ZNF850: variants seen among roughly 807,000 people sequenced by gnomAD.
ZNF850 encodes the protein putative zinc finger protein ENSP00000330994.
ZNF850 carries 2 observed loss-of-function variants against 11.9 expected under a neutral mutation model. The observed-to-expected ratio is 0.17, with a 90% confidence interval of 0.07 to 0.53. The LOEUF (loss-of-function observed/expected upper bound fraction) is 0.53. ZNF850 is among the 20% of genes least tolerant of loss of function. The pLI is 0.94. For synonymous variants in ZNF850, 381 were observed against 443.0 expected (o/e 0.86, Z 1.76); for missense variants, 1,014 against 1,316.4 (o/e 0.77, Z 3.55).
chr19:36,762,247 CA>C (rs2145965631), intron 3 of ZNF850, 57 bp downstream of exon 3: 1 of 1,399,890 alleles, frequency 7.1e-7, no homozygotes, highest in East Asian at 2.5e-5. Flanking sequence ...AAAAGTCACC[CA>C]GACAATTGAA....
Position 36,762,587 on chromosome 19 carries a change from CAA to C in ZNF850, c.12+6_12+7del. ...AGTAAAAAAATTAGTGTAACTTCAA[CAA>C]AGTACCTCCATGTTCATGAATATTC... On this transcript the variant is annotated splice_donor_region_variant and intron_variant, in intron 2 of 4. Transcript: ENST00000591344. 6.5e-7 allele frequency: 1 copy of C among 1,535,966 alleles called. No individual in the cohort carries two copies.
At position 36,744,825 on chromosome 19, in the gene ZNF850, A is replaced by T. The variant is rs180766380; in HGVS notation, c.*2942T>A. On this transcript the variant is annotated 3_prime_UTR_variant, in exon 5 of 5. Coordinates refer to ENST00000591344, the MANE Select transcript of ZNF850 (RefSeq NM_001193552.2). ...CCTCAACTGACTACAAATTGAGACA[A>T]AAGAATCAATTGAGCCGGGCGGGGT... The T allele has an allele frequency of 6.6e-6, 1 of 152,276 alleles. No homozygotes were observed. The highest frequency in any genetic ancestry group is 6.5e-5 in the Admixed American group (1 of 15,294). The allele number at this position is 152,276 out of a possible 1,614,324, so 9.4% of individuals were successfully genotyped here. A position where few individuals can be genotyped will look rare whatever the true frequency, so the allele number is the denominator to read the frequency against.
intron 4 of ZNF850, among the ~76,000 whole-genome samples, chr19:36,751,858 T>C (rs2040456266): frequency 6.6e-6 from 1 of 152,128 alleles, no homozygotes. Flanking sequence ...CATTCATTAA[T>C]TATGACAAAT....
At position 36,755,759 on chromosome 19, in the gene ZNF850, A is replaced by C. The variant is rs1020452283; in HGVS notation, c.236-4955T>G. On this transcript the variant is annotated intron_variant, in intron 4 of 4. Coordinates refer to ENST00000591344, the MANE Select transcript of ZNF850 (RefSeq NM_001193552.2). ...GAAATGGGAAATCACATGAAGAAAA[A>C]AAACAGCAGAAACAGAACCAAAAGG... Among the ~76,000 whole-genome samples the C allele has an allele frequency of 1.1e-4, 17 of 151,958 alleles. No homozygotes were observed. In the East Asian group the frequency reaches 3.1e-3, roughly 28 times the overall value.
At chr19:36,756,674 C>T (rs1481777608) in intron 4 of ZNF850, among the ~76,000 whole-genome samples, 1 of 152,084 alleles carries the variant, frequency 6.6e-6, no homozygotes, top group Non-Finnish European at 1.5e-5. Flanking sequence ...AGTACAATGG[C>T]ATGATCTTGG....
chr19:36,762,082 T>G (rs2040522441), intron 3 of ZNF850, among the ~76,000 whole-genome samples: 1 of 149,480 alleles, frequency 6.7e-6, no homozygotes, highest in African/African-American at 2.5e-5. Flanking sequence ...TGAGACATAC[T>G]CCTGCTGTTC....
chr19:36,769,276 A>AAG (rs996655831), intron 1 of ZNF850, among the ~76,000 whole-genome samples: 4 of 113,178 alleles, frequency 3.5e-5, no homozygotes, highest in South Asian at 2.8e-4. Flanking sequence ...AAAAAAAAAA[A>AAG]AAAGAAAGAA....
rs1019697513 is a variant in ZNF850, at chr19:36,760,340, C to T, written c.235+1303G>A. On this transcript the variant is annotated intron_variant, in intron 4 of 4. Transcript: ENST00000591344. Reference sequence around the variant, plus strand: ...CGCGTGCCTGTAATCTTAGCTACTCCGGAGGCTGTGGCACGAGAATTGCTT... The same window carrying T: ...CGCGTGCCTGTAATCTTAGCTACTCTGGAGGCTGTGGCACGAGAATTGCTT... Among the ~76,000 whole-genome samples, 75 of 151,776 alleles carry T rather than the reference C, an allele frequency of 4.9e-4. 2 individuals carry two copies. The highest frequency in any genetic ancestry group is 1.0e-4 in the Non-Finnish European group (7 of 67,972).
chr19:36,748,276 C>G lies in ZNF850; in HGVS notation c.2764G>C (p.Glu922Gln). Residue 922 changes from glutamate (E) to glutamine (Q), a missense_variant, in exon 5 of 5, where the codon GAG becomes CAG. Physicochemically the swap from Glu to Gln is conservative, Grantham distance 29. Coordinates refer to ENST00000591344, the MANE Select transcript of ZNF850 (RefSeq NM_001193552.2). ...CATTCATGACATCGATAAGGTTTCTCACCAGTATGGATTCGTTGATGTTGA... is the reference window on the plus strand; with the variant it reads ...CATTCATGACATCGATAAGGTTTCTGACCAGTATGGATTCGTTGATGTTGA... ...LTQHQRIHTG[E>Q]KPYRCHECGK... The G allele has an allele frequency of 6.4e-7, 1 of 1,561,322 alleles. No homozygotes were observed. The highest frequency in any genetic ancestry group is 1.2e-5 in the South Asian group (1 of 85,538).
At chr19:36,761,767 C>T in intron 3 of ZNF850, 29 bp from the exon 4 acceptor site, 1 of 1,355,274 alleles carries the variant, frequency 7.4e-7, no homozygotes, top group Non-Finnish European at 1.0e-6. Context: ...GTAAGATAGC[C>T]AGGCATGGTG....
At position 36,748,290 on chromosome 19, in the gene ZNF850, C is replaced by T. The variant is rs761491966; in HGVS notation, c.2750G>A (p.Arg917Gln). The change falls in exon 5 of 5, where the codon CGA (arginine) becomes CAA (glutamine). Residue 917 changes from arginine to glutamine, a missense_variant. Arg to Gln is a conservative substitution (Grantham distance 43). This residue lies in a region of ZNF850 where 179 missense variants were observed against 294.4 expected (regional missense o/e 0.61). Coordinates refer to ENST00000591344, the MANE Select transcript of ZNF850 (RefSeq NM_001193552.2). ...RRRSKLTQHQRIHTGEKPYRC... is the reference protein window; with the variant it reads ...RRRSKLTQHQQIHTGEKPYRC... The stretch of plus-strand genomic sequence containing the variant: ...ATAAGGTTTCTCACCAGTATGGATT[C>T]GTTGATGTTGAGTAAGTTTTGAACG... 7 of 1,567,802 alleles carry T rather than the reference C, an allele frequency of 4.5e-6. No individual in the cohort carries two copies. The Admixed American group carries it at 7.5e-5, about 17-fold the overall frequency.
chr19:36,756,430 T>C (rs1446705251), intron 4 of ZNF850, among the ~76,000 whole-genome samples: 1 of 152,244 alleles, frequency 6.6e-6, no homozygotes, highest in African/African-American at 2.4e-5. Context: ...ATGTGATGTA[T>C]GTGTATCTAT....
At chr19:36,766,283 T>C (rs1310739236) in intron 1 of ZNF850, among the ~76,000 whole-genome samples, 1 of 151,906 alleles carries the variant, frequency 6.6e-6, no homozygotes, top group Non-Finnish European at 1.5e-5. Flanking sequence ...TTGGTAGATA[T>C]ATAATACAAT....
intron 4 of ZNF850, among the ~76,000 whole-genome samples, chr19:36,759,437 C>T (rs182934768): frequency 2.6e-5 from 4 of 152,032 alleles, no homozygotes; most frequent in African/African-American, 7.2e-5. Context: ...ATTGTGCCAC[C>T]GTACTCCAGC....
At chr19:36,764,945 C>A (rs2040540902) in intron 1 of ZNF850, among the ~76,000 whole-genome samples, 2 of 152,092 alleles carry the variant, frequency 1.3e-5, no homozygotes, top group Non-Finnish European at 2.9e-5. Flanking sequence ...CCTTGGCTCC[C>A]AAAGTACTGG....
Position 36,748,982 on chromosome 19 carries a change from T to A in ZNF850, c.2058A>T (p.Thr686=), listed in dbSNP as rs766628759. 9 of 1,603,856 alleles carry A rather than the reference T, an allele frequency of 5.6e-6. No homozygotes were observed. In the African/African-American group the frequency reaches 1.1e-4, roughly 19 times the overall value. Residue 686 remains threonine, a synonymous_variant, in exon 5 of 5, where the codon ACA becomes ACT. Transcript: ENST00000591344. ...GAATTCTCCGATGTTGATTAAGGTA[T>A]GTACGCTGTCTAAAGGCCTTCCCAC... The part of the protein sequence containing the change: ...PDCGKAFRQR[T]YLNQHRRIHT...
chr19:36,748,348 C>G lies in ZNF850; in HGVS notation c.2692G>C (p.Asp898His), dbSNP rs1186225658. ...AAGGCCTTGCCACATTCCTTACAAT[C>G]ATAGGGTTTCTCACCAGTGTGAATT... ...RRIHTGEKPY[D>H]CKECGKAFRR... Residue 898 changes from aspartate to histidine, a missense_variant, in exon 5 of 5, where the codon GAT becomes CAT. Asp to His is a moderately conservative substitution (Grantham distance 81). Transcript: ENST00000591344. The G allele has an allele frequency of 1.3e-6, 2 of 1,593,492 alleles. No individual in the cohort carries two copies. The highest frequency in any genetic ancestry group is 2.3e-5 in the East Asian group (1 of 44,198).
In ZNF850 at chr19:36,748,937, A is replaced by G. The variant is rs768955951; in HGVS notation, c.2103T>C (p.Tyr701=). ...HRRIHTGEKP[Y]ECKECGKSFT... ...AAGATTTCCCACATTCTTTACATTC[A>G]TAAGGTTTCTCACCAGTATGAATTC... The change falls in exon 5 of 5, where the codon TAT becomes TAC. Residue 701 remains tyrosine, a synonymous_variant. Coordinates refer to ENST00000591344, the MANE Select transcript of ZNF850 (RefSeq NM_001193552.2). 1 of 1,581,064 alleles carries G rather than the reference A, an allele frequency of 6.3e-7. No individual in the cohort carries two copies. The highest frequency in any genetic ancestry group is 8.6e-7 in the Non-Finnish European group (1 of 1,164,562).
At chr19:36,761,994 C>T (rs746613880) in intron 3 of ZNF850, among the ~76,000 whole-genome samples, 16 of 146,548 alleles carry the variant, frequency 1.1e-4, no homozygotes, top group Non-Finnish European at 2.1e-4. Context: ...TGGAGTGAAC[C>T]GAGATCATGA....
Sources: gnomAD v4.1 joint callset for allele counts (sites outside exome capture counted in the v4.1 genomes callset) on GRCh38, gnomAD v4.1.1 for gene constraint, gnomAD v4.1.1 regional missense constraint, MANE v1.5 for transcripts, NCBI Gene and HGNC (gene_info 2026-07-23, HGNC 2026-07-21) for gene names.